FABP6: variants seen among roughly 807,000 people sequenced by gnomAD.
The protein encoded by FABP6 is gastrotropin.
A neutral mutation model predicts 14.9 loss-of-function variants in FABP6; 13 were observed. That is an observed-to-expected ratio of 0.87 (90% CI 0.57 to 1.39). FABP6 has a LOEUF of 1.39. Ranked by LOEUF, FABP6 falls within the 40% of genes most tolerant of loss-of-function variation. The probability of loss-of-function intolerance (pLI) is 0.00; values close to 1 mark genes in which losing one functional copy is unlikely to be tolerated. For missense variants in FABP6, 161 were observed against 167.2 expected (o/e 0.96, Z 0.20); for synonymous variants, 75 against 63.6 (o/e 1.18, Z -0.85).
intron 2 of FABP6, among the ~76,000 whole-genome samples, chr5:160,233,830 C>A (rs1441128473): frequency 6.6e-6 from 1 of 151,766 alleles, no homozygotes; most frequent in Non-Finnish European, 1.5e-5. Flanking sequence ...CGAGATCACA[C>A]CATTGCACTC....
At chr5:160,223,856 T>C (rs1007060567) in intron 3 of FABP6, among the ~76,000 whole-genome samples, 1 of 151,498 alleles carries the variant, frequency 6.6e-6, no homozygotes, top group African/African-American at 2.4e-5. Context: ...TCCCAGCACT[T>C]TGGGAGGCCA....
chr5:160,188,131 C>T (rs1477252047), intron 1 of FABP6, among the ~76,000 whole-genome samples: 2 of 152,046 alleles, frequency 1.3e-5, no homozygotes, highest in African/African-American at 2.4e-5. Context: ...CCCAATTCAC[C>T]CGGGAGAAAA....
chr5:160,229,426 G>C (rs1281472893), upstream of FABP6: 2 of 1,537,574 alleles, frequency 1.3e-6, no homozygotes, highest in Non-Finnish European at 1.8e-6. Flanking sequence ...CAGGACAGGA[G>C]GGAGAAGAAG....
chr5:160,229,350 G>C (rs1197137794), upstream of FABP6: 4 of 1,234,992 alleles, frequency 3.2e-6, no homozygotes, highest in African/African-American at 6.1e-5. Flanking sequence ...TCCCCAGGGT[G>C]AATAACCTCG....
upstream of FABP6, among the ~76,000 whole-genome samples, chr5:160,228,003 A>G (rs544630998): frequency 2.0e-5 from 3 of 152,194 alleles, no homozygotes; most frequent in South Asian, 6.2e-4. Context: ...GGGAGTCAGC[A>G]ACTGTATTGA....
At chr5:160,232,370 C>T (rs2113142974) in intron 2 of FABP6, 97 bp downstream of exon 2, 1 of 1,327,420 alleles carries the variant, frequency 7.5e-7, no homozygotes, top group East Asian at 2.6e-5. Flanking sequence ...AGGCTTCTTT[C>T]TCCAGTTTGG....
intron 2 of FABP6, chr5:160,213,655 C>T (rs1759940413): frequency 1.7e-6 from 2 of 1,181,614 alleles, no homozygotes; most frequent in African/African-American, 3.0e-5. Flanking sequence ...GGAGCTCTGC[C>T]TCCCTGCACA....
intron 1 of FABP6, among the ~76,000 whole-genome samples, chr5:160,194,029 G>A (rs962244857): frequency 3.3e-5 from 5 of 152,238 alleles, no homozygotes; most frequent in East Asian, 1.9e-4. Flanking sequence ...TGCAGGTCCC[G>A]AGCCCTGCCC....
intron 2 of FABP6, among the ~76,000 whole-genome samples, chr5:160,212,308 C>A (rs915469652): frequency 6.6e-5 from 10 of 152,066 alleles, no homozygotes; most frequent in Admixed American, 5.9e-4. Flanking sequence ...GCACCCGCCA[C>A]CATGCCCAGC....
intron 2 of FABP6, among the ~76,000 whole-genome samples, chr5:160,205,448 C>T (rs185382930): frequency 2.0e-5 from 3 of 152,038 alleles, no homozygotes; most frequent in Admixed American, 2.0e-4. Context: ...TCCTTTATCA[C>T]AGGTGCTGCT....
chr5:160,193,432 G>A (rs2080954), intron 1 of FABP6, among the ~76,000 whole-genome samples: 99,983 of 151,722 alleles, frequency 0.66, 33,066 homozygotes, highest in East Asian at 0.78. Flanking sequence ...TGTGGAAGGG[G>A]ACCCGAGCGG....
intron 1 of FABP6, 65 bp from the exon 2 acceptor site, chr5:160,232,033 C>A: frequency 6.4e-7 from 1 of 1,573,068 alleles, no homozygotes; most frequent in African/African-American, 1.3e-5. Flanking sequence ...CAGGAAAGCT[C>A]TTTTCCCAAA....
At chr5:160,227,000 G>A (rs1022010033), upstream of FABP6, among the ~76,000 whole-genome samples, 4 of 152,312 alleles carry the variant, frequency 2.6e-5, no homozygotes, top group Middle Eastern at 3.4e-3. Context: ...AGTGAAAGGT[G>A]TGAACAAGAA....
At chr5:160,237,928 G>C (rs1287078726) in intron 3 of FABP6, among the ~76,000 whole-genome samples, 2 of 152,126 alleles carry the variant, frequency 1.3e-5, no homozygotes, top group African/African-American at 4.8e-5. Flanking sequence ...TATCTAGTCA[G>C]TGGCTCCCTG....
At chr5:160,190,364 C>G (rs569338574) in intron 1 of FABP6, among the ~76,000 whole-genome samples, 1 of 152,206 alleles carries the variant, frequency 6.6e-6, no homozygotes, top group Non-Finnish European at 1.5e-5. Context: ...TCCCGAGTAG[C>G]TGGGATTACA....
chr5:160,204,501 G>T (rs1392297186), intron 2 of FABP6, among the ~76,000 whole-genome samples: 1 of 151,688 alleles, frequency 6.6e-6, no homozygotes, highest in African/African-American at 2.4e-5. Context: ...TTTTTTAGGG[G>T]GGGTGGGGAT....
intron 2 of FABP6, among the ~76,000 whole-genome samples, chr5:160,203,563 A>G (rs1355519247): frequency 1.3e-5 from 2 of 152,012 alleles, no homozygotes; most frequent in African/African-American, 2.4e-5. Context: ...AGGTCTTGCA[A>G]TGTTGCCCAG....
intron 2 of FABP6, among the ~76,000 whole-genome samples, chr5:160,200,501 C>A (rs1274545396): frequency 6.6e-6 from 1 of 151,792 alleles, no homozygotes; most frequent in Non-Finnish European, 1.5e-5. Flanking sequence ...CAACATCTGC[C>A]TCCTGGGTTC....
At chr5:160,205,317 CAA>C (rs1163175404) in intron 2 of FABP6, among the ~76,000 whole-genome samples, 46 of 67,078 alleles carry the variant, frequency 6.9e-4, no homozygotes, top group Middle Eastern at 8.5e-3. Context: ...GACTTCATCT[CAA>C]AAAAAAAAAA....
Sources: gnomAD v4.1 joint callset for allele counts (sites outside exome capture counted in the v4.1 genomes callset) on GRCh38, gnomAD v4.1.1 for gene constraint, MANE v1.5 for transcripts, NCBI Gene and HGNC (gene_info 2026-07-23, HGNC 2026-07-21) for gene names.